Variants in TPTE2 observed in about 807,000 individuals in gnomAD.
The protein encoded by TPTE2 is transmembrane phosphoinositide 3-phosphatase and tensin homolog 2, also known as phosphatidylinositol 3,4,5-trisphosphate 3-phosphatase TPTE2.
A neutral mutation model predicts 78.6 loss-of-function variants in TPTE2; 53 were observed. That is an observed-to-expected ratio of 0.67 (90% CI 0.54 to 0.85). The LOEUF is 0.85. Ranked by LOEUF, TPTE2 falls within the 40% of genes least tolerant of loss-of-function variation. The probability of loss-of-function intolerance (pLI) is 0.00; values close to 1 mark genes in which losing one functional copy is unlikely to be tolerated. For missense variants in TPTE2, 461 were observed against 623.0 expected (o/e 0.74, Z 2.77); for synonymous variants, 175 against 206.2 (o/e 0.85, Z 1.30).
chr13:19,499,689 A>G (rs1257850365), intron 1 of TPTE2, among the ~76,000 whole-genome samples: 1 of 134,544 alleles, frequency 7.4e-6, no homozygotes, highest in East Asian at 2.0e-4. Flanking sequence ...TGCCCACAAG[A>G]GAAAGCAGGA....
At chr13:19,494,499 C>G (rs1881193541) in intron 1 of TPTE2, among the ~76,000 whole-genome samples, 2 of 152,072 alleles carry the variant, frequency 1.3e-5, no homozygotes, top group South Asian at 4.1e-4. Flanking sequence ...ACTCCACTTC[C>G]CAAGGTTCAA....
chr13:19,472,808 G>A (rs1879707216), intron 6 of TPTE2, among the ~76,000 whole-genome samples: 1 of 152,174 alleles, frequency 6.6e-6, no homozygotes, highest in South Asian at 2.1e-4. Context: ...TGTATTTATT[G>A]TAGTTTTCAC....
chr13:19,547,342 G>A, the TPTE2 span, among the ~76,000 whole-genome samples: 4 of 152,126 alleles, frequency 2.6e-5, no homozygotes, highest in Admixed American at 2.0e-4. Flanking sequence ...AAACACCATT[G>A]ATATCAGTTT....
At chr13:19,518,479 CA>C (rs1292967713) in intron 1 of TPTE2, among the ~76,000 whole-genome samples, 1 of 152,120 alleles carries the variant, frequency 6.6e-6, no homozygotes, top group Non-Finnish European at 1.5e-5. Flanking sequence ...TGAAGATTTG[CA>C]ACTGGCAAAT....
At chr13:19,434,913 C>A (rs1413151476) in intron 15 of TPTE2, among the ~76,000 whole-genome samples, 5 of 152,194 alleles carry the variant, frequency 3.3e-5, no homozygotes, top group African/African-American at 1.2e-4. Flanking sequence ...GTTACTTTCT[C>A]TGAACCTCAA....
chr13:19,489,810 A>T (rs1365797510), intron 3 of TPTE2, among the ~76,000 whole-genome samples: 1 of 151,484 alleles, frequency 6.6e-6, no homozygotes, highest in African/African-American at 2.4e-5. Context: ...AATTAATAAC[A>T]TCAGTAGTTT....
upstream of TPTE2, chr13:19,536,833 T>C (rs1471007556): frequency 6.6e-6 from 1 of 151,804 alleles, no homozygotes; most frequent in Non-Finnish European, 1.5e-5. Flanking sequence ...AGGAACAGGA[T>C]TGATTTTCAT....
intron 5 of TPTE2, among the ~76,000 whole-genome samples, chr13:19,474,882 C>T (rs1222943027): frequency 1.3e-5 from 2 of 152,128 alleles, no homozygotes; most frequent in Non-Finnish European, 2.9e-5. Flanking sequence ...GTTTCCAGAA[C>T]TAAAGAGTAA....
chr13:19,487,629 G>A (rs552539319), intron 3 of TPTE2, among the ~76,000 whole-genome samples: 1 of 152,208 alleles, frequency 6.6e-6, no homozygotes, highest in East Asian at 1.9e-4. Flanking sequence ...TTGAGTTACA[G>A]CCAGTCCTGG....
intron 6 of TPTE2, among the ~76,000 whole-genome samples, chr13:19,470,798 T>G (rs1016072771): frequency 6.6e-6 from 1 of 152,146 alleles, no homozygotes. Flanking sequence ...AGTGCTGGGA[T>G]TATAGAAGTG....
chr13:19,467,487 C>T, intron 6 of TPTE2, 143 bp from the exon 10 acceptor site: 1 of 730,038 alleles, frequency 1.4e-6, no homozygotes, highest in Non-Finnish European at 2.0e-6. Flanking sequence ...CTAGAGTAGA[C>T]TAAGGGAAAA....
At chr13:19,472,438 A>G (rs1879678750) in intron 6 of TPTE2, among the ~76,000 whole-genome samples, 1 of 152,220 alleles carries the variant, frequency 6.6e-6, no homozygotes, top group Non-Finnish European at 1.5e-5. Context: ...CAATTCTGCT[A>G]TTAAAAGACT....
intron 13 of TPTE2, among the ~76,000 whole-genome samples, chr13:19,446,981 A>G (rs1877880336): frequency 6.6e-6 from 1 of 152,178 alleles, no homozygotes; most frequent in Non-Finnish European, 1.5e-5. Flanking sequence ...GTACAACAAA[A>G]TAAATCACCA....
At chr13:19,457,260 C>T (rs1053644780) in intron 10 of TPTE2, among the ~76,000 whole-genome samples, 3 of 152,154 alleles carry the variant, frequency 2.0e-5, no homozygotes, top group Non-Finnish European at 4.4e-5. Flanking sequence ...TTGAGTAGTG[C>T]AACCTACCAT....
At chr13:19,461,016 G>C (rs930165000) in intron 10 of TPTE2, among the ~76,000 whole-genome samples, 18 of 150,678 alleles carry the variant, frequency 1.2e-4, no homozygotes, top group African/African-American at 4.1e-4. Flanking sequence ...TCCATCAAGA[G>C]TTGGAGTTTA....
At chr13:19,553,876 T>C in the TPTE2 span, among the ~76,000 whole-genome samples, 1 of 152,218 alleles carries the variant, frequency 6.6e-6, no homozygotes, top group East Asian at 1.9e-4. Context: ...CATGGATGTA[T>C]ATATTTGTCA....
At chr13:19,449,894 A>G (rs1878066972) in intron 13 of TPTE2, among the ~76,000 whole-genome samples, 182 bp downstream of exon 16, 1 of 152,108 alleles carries the variant, frequency 6.6e-6, no homozygotes, top group East Asian at 1.9e-4. Context: ...TCCTCTCCCT[A>G]TCTCCTACCC....
intron 1 of TPTE2, among the ~76,000 whole-genome samples, chr13:19,533,868 C>T (rs1871033866): frequency 1.3e-5 from 2 of 152,312 alleles, no homozygotes; most frequent in Middle Eastern, 3.4e-3. Context: ...TTTCTCTTTG[C>T]TTCCTTGCCC....
chr13:19,424,833 T>A (rs1418864330), intron 19 of TPTE2, 114 bp downstream of exon 22: 1 of 693,364 alleles, frequency 1.4e-6, no homozygotes, highest in Non-Finnish European at 2.4e-6. Flanking sequence ...GGCTCAGGGA[T>A]TTTTTGCTTT....
Sources: allele counts gnomAD v4.1 joint callset (sites outside exome capture counted in the v4.1 genomes callset), GRCh38; gene constraint gnomAD v4.1.1; transcripts MANE v1.5; gene names NCBI Gene and HGNC (gene_info 2026-07-23, HGNC 2026-07-21).